RABGAP1L: variants seen among roughly 807,000 people sequenced by gnomAD.
The protein encoded by RABGAP1L is rab GTPase-activating protein 1-like.
In RABGAP1L, 63 loss-of-function variants were observed where a neutral mutation model predicts 137.7. The observed-to-expected ratio is 0.46, with a 90% CI of 0.37 to 0.56. The LOEUF is 0.56. Among genes scored for constraint, RABGAP1L ranks in the 20% least tolerant of loss-of-function variants. RABGAP1L has a pLI of 0.00. For synonymous variants in RABGAP1L, 431 were observed against 433.7 expected (o/e 0.99, Z 0.08); for missense variants, 1,095 against 1,244.0 (o/e 0.88, Z 1.80).
intron 13 of RABGAP1L, among the ~76,000 whole-genome samples, chr1:174,626,425 C>T (rs1486821289): frequency 6.6e-6 from 1 of 152,150 alleles, no homozygotes; most frequent in African/African-American, 2.4e-5. Context: ...TCTCGAAATA[C>T]GCTTCGTCCT....
intron 19 of RABGAP1L, among the ~76,000 whole-genome samples, chr1:174,862,448 T>C (rs182691252): frequency 4.6e-5 from 7 of 152,300 alleles, no homozygotes; most frequent in Admixed American, 4.6e-4. Context: ...CCAGTTATCC[T>C]GATCCAATAC....
At chr1:174,670,998 C>T (rs1216005557) in intron 14 of RABGAP1L, among the ~76,000 whole-genome samples, 1 of 152,084 alleles carries the variant, frequency 6.6e-6, no homozygotes, top group Non-Finnish European at 1.5e-5. Context: ...TACTAATTTA[C>T]GTTCCCACCA....
chr1:174,407,121 G>T (rs1649367787), intron 13 of RABGAP1L, among the ~76,000 whole-genome samples: 1 of 151,906 alleles, frequency 6.6e-6, no homozygotes, highest in African/African-American at 2.4e-5. Flanking sequence ...GTTTACTATT[G>T]ATTACGGCTG....
At chr1:174,918,828 C>T (rs1008147917) in intron 19 of RABGAP1L, among the ~76,000 whole-genome samples, 2 of 59,978 alleles carry the variant, frequency 3.3e-5, no homozygotes, top group Non-Finnish European at 8.4e-5. Context: ...GACCCACCCC[C>T]CCGATCTCTA....
At chr1:174,307,168 T>A (rs1232096685) in intron 11 of RABGAP1L, among the ~76,000 whole-genome samples, 2 of 152,190 alleles carry the variant, frequency 1.3e-5, no homozygotes, top group East Asian at 3.8e-4. Context: ...TCACTCAGCT[T>A]AAAGTGACAA....
chr1:174,305,754 A>C, intron 11 of RABGAP1L, among the ~76,000 whole-genome samples: 1 of 148,954 alleles, frequency 6.7e-6, no homozygotes, highest in East Asian at 2.0e-4. Context: ...TTTCTATTTT[A>C]TTCTTTGCAT....
intron 13 of RABGAP1L, among the ~76,000 whole-genome samples, chr1:174,543,447 G>A (rs531194577): frequency 1.3e-5 from 2 of 152,074 alleles, no homozygotes; most frequent in African/African-American, 4.8e-5. Flanking sequence ...CATTTGCTTG[G>A]CAGATCTTCC....
intron 13 of RABGAP1L, among the ~76,000 whole-genome samples, chr1:174,567,137 T>A (rs182559469): frequency 4.6e-5 from 7 of 152,202 alleles, no homozygotes; most frequent in Admixed American, 3.9e-4. Flanking sequence ...TTTATCATTA[T>A]CCCCAACAAA....
chr1:174,425,961 A>G (rs192895081), intron 13 of RABGAP1L, among the ~76,000 whole-genome samples: 1 of 152,232 alleles, frequency 6.6e-6, no homozygotes, highest in East Asian at 1.9e-4. Context: ...ATATTTATAA[A>G]TAAGTTTCTT....
At chr1:174,231,468 C>A in intron 4 of RABGAP1L, 113 bp downstream of exon 4, 1 of 936,114 alleles carries the variant, frequency 1.1e-6, no homozygotes, top group Non-Finnish European at 1.7e-6. Context: ...TGTAGACATG[C>A]AGAGTAAACA....
intron 13 of RABGAP1L, among the ~76,000 whole-genome samples, chr1:174,513,030 T>C (rs1662494543): frequency 6.6e-6 from 1 of 152,318 alleles, no homozygotes; most frequent in South Asian, 2.1e-4. Flanking sequence ...GTTTCTGTTA[T>C]AGTACCATTA....
At chr1:174,495,777 A>T (rs182906394) in intron 13 of RABGAP1L, among the ~76,000 whole-genome samples, 16 of 152,334 alleles carry the variant, frequency 1.1e-4, no homozygotes, top group African/African-American at 3.4e-4. Flanking sequence ...TCCTCATCTT[A>T]TGCTTTCACA....
chr1:174,174,145 CAA>C (rs1385902365), intron 1 of RABGAP1L, among the ~76,000 whole-genome samples: 3 of 147,882 alleles, frequency 2.0e-5, no homozygotes, highest in Non-Finnish European at 3.0e-5. Context: ...ATACTGATAA[CAA>C]GACAGATTTC....
At chr1:174,757,077 C>A in intron 18 of RABGAP1L, 3 of 514,034 alleles carry the variant, frequency 5.8e-6, no homozygotes, top group South Asian at 1.5e-5. Flanking sequence ...TTTTCCCCCA[C>A]GGACTCTGCC....
At chr1:174,283,266 C>T (rs565997809) in intron 10 of RABGAP1L, among the ~76,000 whole-genome samples, 6 of 151,908 alleles carry the variant, frequency 3.9e-5, no homozygotes, top group South Asian at 2.1e-4. Flanking sequence ...ATTACCCAAG[C>T]GTGGTGGTGT....
intron 15 of RABGAP1L, among the ~76,000 whole-genome samples, chr1:174,697,040 C>A (rs963471255): frequency 1.3e-5 from 2 of 152,182 alleles, no homozygotes; most frequent in Non-Finnish European, 2.9e-5. Context: ...CCTTATGAAA[C>A]TCAAGTAGAG....
chr1:174,872,432 C>G (rs1306467750), intron 19 of RABGAP1L, among the ~76,000 whole-genome samples: 2 of 152,060 alleles, frequency 1.3e-5, no homozygotes, highest in East Asian at 1.9e-4. Flanking sequence ...CATATTTTCT[C>G]TTTTGTTACC....
At chr1:174,182,957 A>C (rs2148298604) in intron 1 of RABGAP1L, among the ~76,000 whole-genome samples, 1 of 152,344 alleles carries the variant, frequency 6.6e-6, no homozygotes. Context: ...AACATGTTGT[A>C]ATATTTTTCT....
chr1:174,438,545 C>T (rs2149220557), intron 13 of RABGAP1L, among the ~76,000 whole-genome samples: 1 of 151,516 alleles, frequency 6.6e-6, no homozygotes, highest in South Asian at 2.1e-4. Context: ...TAGTGAAACC[C>T]CATCTGTACT....
Sources: allele counts gnomAD v4.1 joint callset (sites outside exome capture counted in the v4.1 genomes callset), GRCh38; gene constraint gnomAD v4.1.1; transcripts MANE v1.5; gene names NCBI Gene and HGNC (gene_info 2026-07-23, HGNC 2026-07-21).